DICER1: variants seen among roughly 807,000 people sequenced by gnomAD.
DICER1 encodes endoribonuclease Dicer.
A neutral mutation model predicts 194.1 loss-of-function variants in DICER1; 43 were observed. That is an observed-to-expected ratio of 0.22 (90% CI 0.17 to 0.29). The LOEUF (loss-of-function observed/expected upper bound fraction) is 0.29, where lower values mean the gene tolerates loss of function less well. Among genes scored for constraint, DICER1 ranks in the 10% least tolerant of loss-of-function variants. DICER1 has a pLI of 1.00. For missense variants in DICER1, 1,608 were observed against 2,317.0 expected, an observed-to-expected ratio of 0.69 and a Z score of 6.28; for synonymous variants, 832 against 820.5, an observed-to-expected ratio of 1.01 and a Z score of -0.24.
intron 1 of DICER1, among the ~76,000 whole-genome samples, chr14:95,137,582 G>A (rs543081428): frequency 6.6e-6 from 1 of 151,766 alleles, no homozygotes; most frequent in East Asian, 1.9e-4. Flanking sequence ...AAAGGGGAAG[G>A]GGAAAGGAAA....
chr14:95,090,305 A>G lies in DICER1; in HGVS notation c.*193T>C. 1 of 641,892 alleles carries G rather than the reference A, an allele frequency of 1.6e-6. No homozygotes were observed. The highest frequency in any genetic ancestry group is 2.7e-6 in the Non-Finnish European group (1 of 375,230). The allele number at this position is 641,892 out of a possible 1,614,324, so 39.8% of individuals were successfully genotyped here. The stretch of plus-strand genomic sequence containing the variant: ...TGTGTTTGCGCAAAAAACTAAAACT[A>G]CAATTAGTTCCAAAATTTTATACAT... On this transcript the variant is annotated 3_prime_UTR_variant, in exon 27 of 27. Transcript: ENST00000343455.
intron 1 of DICER1, among the ~76,000 whole-genome samples, chr14:95,147,401 A>G (rs192511147): frequency 1.1e-3 from 169 of 152,332 alleles, no homozygotes; most frequent in African/African-American, 3.9e-3. Flanking sequence ...GGGGGGCTGC[A>G]GTGAGCCATG....
At chr14:95,091,429 T>C (rs1889831569) in intron 24 of DICER1, 64 bp from the exon 25 acceptor site, 1 of 1,480,816 alleles carries the variant, frequency 6.8e-7, no homozygotes, top group Non-Finnish European at 9.4e-7. Flanking sequence ...TCCACAGATG[T>C]AGTTTCTTTT....
intron 24 of DICER1, among the ~76,000 whole-genome samples, chr14:95,092,743 A>G (rs1254783211): frequency 2.2e-4 from 33 of 152,252 alleles, no homozygotes; most frequent in Admixed American, 2.2e-3. Flanking sequence ...ATGAACAAAA[A>G]CTAACAAAAC....
At position 95,087,008 on chromosome 14, in the gene DICER1, T is replaced by C; in HGVS notation, c.*3490A>G. ...AGGTCTCAGTTTGGTGGCTTCAATC[T>C]TGTGTAAAGGGATTAGACACCCTAA... On this transcript the variant is annotated 3_prime_UTR_variant, in exon 27 of 27. Transcript: ENST00000343455. 1 of 233,160 alleles carries C rather than the reference T, an allele frequency of 4.3e-6. No individual in the cohort carries two copies. Among genetic ancestry groups the C allele is most frequent in the East Asian group, 6.1e-5 (1 of 16,510 alleles). The allele number at this position is 233,160 out of a possible 1,614,324, so 14.4% of individuals were successfully genotyped here.
intron 21 of DICER1, among the ~76,000 whole-genome samples, chr14:95,100,708 T>C (rs1566762719): frequency 6.6e-6 from 1 of 152,170 alleles, no homozygotes; most frequent in Non-Finnish European, 1.5e-5. Flanking sequence ...CCATTTTCAT[T>C]TTCATAAAGC....
At chr14:95,106,291 C>CTGTT in intron 17 of DICER1, 68 bp from the exon 18 acceptor site, 1 of 1,191,934 alleles carries the variant, frequency 8.4e-7, no homozygotes, top group Admixed American at 1.8e-5. Flanking sequence ...CAAAATACAA[C>CTGTT]TGTTTGTAGT....
intron 13 of DICER1, among the ~76,000 whole-genome samples, chr14:95,111,713 C>G (rs1329020803): frequency 6.7e-6 from 1 of 150,334 alleles, no homozygotes. Context: ...GACATCACCA[C>G]ATATCAATGC....
intron 14 of DICER1, 61 bp downstream of exon 14, chr14:95,111,256 G>T (rs1159396168): frequency 1.2e-6 from 2 of 1,600,826 alleles, no homozygotes; most frequent in African/African-American, 1.3e-5. Flanking sequence ...ACTGAGATTT[G>T]ATGTAGCGGA....
chr14:95,095,674 A>G, intron 23 of DICER1, 151 bp downstream of exon 23: 1 of 893,518 alleles, frequency 1.1e-6, no homozygotes. Context: ...AAGGAAAAGA[A>G]TTCTTTCTAT....
At chr14:95,107,832 G>A in intron 16 of DICER1, 48 bp downstream of exon 16, 12 of 1,606,296 alleles carry the variant, frequency 7.5e-6, no homozygotes, top group Non-Finnish European at 1.0e-5. Context: ...AAAGCTGTAT[G>A]TTTGTATATG....
chr14:95,121,155 A>C (rs1027218663), intron 8 of DICER1, among the ~76,000 whole-genome samples: 3 of 152,158 alleles, frequency 2.0e-5, no homozygotes, highest in Non-Finnish European at 2.9e-5. Context: ...GCATTCACCA[A>C]ATACCTGACC....
In DICER1 at chr14:95,090,186, A is replaced by C. The variant is rs1889665248; in HGVS notation, c.*312T>G. On this transcript the variant is annotated 3_prime_UTR_variant, in exon 27 of 27. Coordinates refer to ENST00000343455, the MANE Select transcript of DICER1 (RefSeq NM_177438.3). ...GACATAAACTCAAAAAAAAAAAAAC[A>C]AAACCTGTCAATTATTTTGAGCACT... 4.6e-6 allele frequency: 2 copies of C among 432,524 alleles called. No homozygotes were observed. Among genetic ancestry groups the C allele is most frequent in the Non-Finnish European group, 8.4e-6 (2 of 237,170 alleles). The allele number at this position is 432,524 out of a possible 1,614,324, so 26.8% of individuals were successfully genotyped here.
Position 95,132,275 on chromosome 14 carries a change from A to T in DICER1, c.307+240T>A, listed in dbSNP as rs192839269. Reference sequence around the variant, plus strand: ...CAACTTAGATTATGTTCTAATGTACATATGTTCCAATACTTATGTTCCAAA... The same window carrying T: ...CAACTTAGATTATGTTCTAATGTACTTATGTTCCAATACTTATGTTCCAAA... On this transcript the variant is annotated intron_variant, in intron 3 of 26. Coordinates refer to ENST00000343455, the MANE Select transcript of DICER1 (RefSeq NM_177438.3). Among the ~76,000 whole-genome samples the T allele has an allele frequency of 3.3e-5, 5 of 152,366 alleles. No individual in the cohort carries two copies. The East Asian group carries it at 9.6e-4, about 29-fold the overall frequency.
rs926051734 is a variant in DICER1 at position 95,115,592 on chromosome 14, A to C, written c.1907+75T>G. 2.0e-6 allele frequency: 3 copies of C among 1,530,894 alleles called. No homozygotes were observed. The Admixed American group carries it at 5.0e-5, about 26-fold the overall frequency. The allele number at this position is 1,530,894 out of a possible 1,614,324, so 94.8% of individuals were successfully genotyped here. On this transcript the variant is annotated intron_variant, in intron 11 of 26. Transcript: ENST00000343455. Reference sequence around the variant, plus strand: ...GACTGGTAACCGCAAAATGTCAACAATACAAAATGTACAGGTTTAGACTTA... The same window carrying C: ...GACTGGTAACCGCAAAATGTCAACACTACAAAATGTACAGGTTTAGACTTA...
chr14:95,137,965 G>A (rs970076031), intron 1 of DICER1: 2 of 154,684 alleles, frequency 1.3e-5, no homozygotes, highest in Non-Finnish European at 1.5e-5. Context: ...AATCACAAAG[G>A]AGAAAACAGG....
intron 23 of DICER1, chr14:95,095,510 G>C: frequency 2.7e-6 from 1 of 375,258 alleles, no homozygotes; most frequent in Non-Finnish European, 5.0e-6. Context: ...GCAAGAGAAA[G>C]ATATTTGCGG....
chr14:95,131,594 T>A lies in DICER1; in HGVS notation c.353A>T (p.Asp118Val), dbSNP rs1442952372. 1 of 1,613,546 alleles carries A rather than the reference T, an allele frequency of 6.2e-7. No individual in the cohort carries two copies. The highest frequency in any genetic ancestry group is 8.5e-7 in the Non-Finnish European group (1 of 1,179,576). The change falls in exon 4 of 27, where the codon GAT (aspartate) becomes GTT (valine). Residue 118 changes from aspartate (D) to valine (V), a missense_variant. Coordinates refer to ENST00000343455, the MANE Select transcript of DICER1 (RefSeq NM_177438.3). The stretch of plus-strand genomic sequence containing the variant: ...GTTTGAGTATTCCCCAACCTTGAGA[T>A]CTGAATGAGTTCTGACAGCTGACAC... The part of the protein sequence containing the change: ...QQVSAVRTHS[D>V]LKVGEYSNLE...
Position 95,104,928 on chromosome 14 carries a change from G to A in DICER1, c.3269+143C>T, listed in dbSNP as rs1164518550. On this transcript the variant is annotated intron_variant, in intron 20 of 26. Coordinates refer to ENST00000343455, the MANE Select transcript of DICER1 (RefSeq NM_177438.3). ...TGACCTCAGATTCTCATCTCCCTCT[G>A]AGACTTGACAAGACATAAGATATCC... The A allele has an allele frequency of 3.8e-6, 3 of 786,856 alleles. No homozygotes were observed. The Admixed American group carries it at 6.8e-5, about 18-fold the overall frequency. 48.7% of individuals were successfully genotyped at this position (786,856 alleles called of 1,614,324 possible).
Sources: gnomAD v4.1 joint callset for allele counts (sites outside exome capture counted in the v4.1 genomes callset) on GRCh38, gnomAD v4.1.1 for gene constraint, MANE v1.5 for transcripts, NCBI Gene and HGNC (gene_info 2026-07-23, HGNC 2026-07-21) for gene names.